SRGAP1: variants seen among roughly 807,000 people sequenced by gnomAD.
SRGAP1 encodes the protein SLIT-ROBO Rho GTPase activating protein 1.
Under a neutral mutation model 121.9 loss-of-function variants are expected in SRGAP1, and 43 were observed. The ratio of observed to expected loss-of-function variants is 0.35; its 90% CI spans 0.28 to 0.46. The LOEUF (loss-of-function observed/expected upper bound fraction) is 0.46. Ranked by LOEUF, SRGAP1 falls within the 20% of genes least tolerant of loss-of-function variation. SRGAP1 has a pLI of 1.00. For missense variants in SRGAP1, 1,102 were observed against 1,350.9 expected, an observed-to-expected ratio of 0.82 and a Z score of 2.89; for synonymous variants, 447 against 485.4, an observed-to-expected ratio of 0.92 and a Z score of 1.04.
intron 8 of SRGAP1, among the ~76,000 whole-genome samples, chr12:64,073,051 G>A (rs1281339192): frequency 6.6e-6 from 1 of 152,074 alleles, no homozygotes; most frequent in Non-Finnish European, 1.5e-5. Context: ...TGATGGGGAG[G>A]TACTTCAAGG....
chr12:64,139,067 A>G (rs2036914488), intron 21 of SRGAP1, among the ~76,000 whole-genome samples: 2 of 152,248 alleles, frequency 1.3e-5, no homozygotes, highest in South Asian at 2.1e-4. Flanking sequence ...TCACCTATAT[A>G]AATGTCTGGA....
rs759528544 is a variant in SRGAP1 at position 64,142,620 on chromosome 12, T to C, written c.3206T>C (p.Ile1069Thr). ...GTTCTTCCAAAAACAAATCCTACCA[T>C]AGGACCTGCCCCACCTCCCCAGGGT... ...PAVLPKTNPT[I>T]GPAPPPQGPT... Residue 1069 changes from isoleucine to threonine, a missense_variant, in exon 22 of 22, where the codon ATA (isoleucine) becomes ACA (threonine). Coordinates refer to ENST00000355086, the MANE Select transcript of SRGAP1 (RefSeq NM_020762.4). The C allele has an allele frequency of 1.4e-5, 22 of 1,613,838 alleles. No individual in the cohort carries two copies. Among genetic ancestry groups the C allele is most frequent in the Non-Finnish European group, 1.7e-5 (20 of 1,180,016 alleles).
chr12:64,138,446 CTTTTTT>C (rs60769104), intron 21 of SRGAP1, among the ~76,000 whole-genome samples: 1 of 78,668 alleles, frequency 1.3e-5, no homozygotes, highest in Non-Finnish European at 2.3e-5. Context: ...AATAAATTGA[CTTTTTT>C]TTTTTTTTTT....
At chr12:64,075,526 C>T (rs1368453709) in intron 8 of SRGAP1, among the ~76,000 whole-genome samples, 1 of 152,182 alleles carries the variant, frequency 6.6e-6, no homozygotes, top group African/African-American at 2.4e-5. Context: ...CCAACAGAGT[C>T]ATCAAGTACA....
rs2037134236 is a variant in SRGAP1, at chr12:64,153,046, G to A, written c.*10374G>A. On this transcript the variant is annotated 3_prime_UTR_variant, in exon 22 of 22. Coordinates refer to ENST00000355086, the MANE Select transcript of SRGAP1 (RefSeq NM_020762.4). ...GTGATAGAATTTAGAGTGTCTAGGA[G>A]AAGCATTTTAGATGGGACAGCTTGA... The A allele has an allele frequency of 6.6e-6, 1 of 151,556 alleles. No homozygotes were observed. The allele number at this position is 151,556 out of a possible 1,614,324, so 9.4% of individuals were successfully genotyped here.
intron 1 of SRGAP1, among the ~76,000 whole-genome samples, chr12:63,909,784 C>T (rs1169498640): frequency 1.3e-5 from 2 of 152,190 alleles, no homozygotes; most frequent in East Asian, 1.9e-4. Context: ...TATATTTCAG[C>T]AAGTCCCAAA....
rs536486556 is a variant in SRGAP1 at position 64,049,585 on chromosome 12, G to A, written c.801+6010G>A. Among the ~76,000 whole-genome samples, 502 of 152,266 alleles carry A rather than the reference G, an allele frequency of 3.3e-3. 3 individuals are homozygous for A. The highest frequency in any genetic ancestry group is 5.2e-3 in the Non-Finnish European group (351 of 68,018). The stretch of plus-strand genomic sequence containing the variant: ...CACCTGGTCCTTCACATGACATGTG[G>A]GGATTATGGGAACTACAATTCAAGA... On this transcript the variant is annotated intron_variant, in intron 6 of 21. Transcript: ENST00000355086.
chr12:64,040,965 A>C (rs1185464422), intron 4 of SRGAP1, among the ~76,000 whole-genome samples: 1 of 152,192 alleles, frequency 6.6e-6, no homozygotes, highest in East Asian at 1.9e-4. Flanking sequence ...TTTTGTAACA[A>C]TAATATAGCC....
In SRGAP1 at chr12:64,158,881, A is replaced by C. The variant is rs2037187771; in HGVS notation, c.*16209A>C. 6.6e-6 allele frequency: 1 copy of C among 152,212 alleles called. No homozygotes were observed. The highest frequency in any genetic ancestry group is 1.5e-5 in the Non-Finnish European group (1 of 68,036). The allele number at this position is 152,212 out of a possible 1,614,324, so 9.4% of individuals were successfully genotyped here. A position where few individuals can be genotyped will look rare whatever the true frequency, so the allele number is the denominator to read the frequency against. On this transcript the variant is annotated 3_prime_UTR_variant, in exon 22 of 22. Coordinates refer to ENST00000355086, the MANE Select transcript of SRGAP1 (RefSeq NM_020762.4). ...TGACAACTTACGGAGCATTTGGAAC[A>C]TGTCAAACAGTAATCAGAGGTCAGG...
intron 1 of SRGAP1, among the ~76,000 whole-genome samples, chr12:63,946,404 A>G (rs1023625844): frequency 1.3e-5 from 2 of 151,860 alleles, no homozygotes; most frequent in East Asian, 1.9e-4. Context: ...AAGATAGTGA[A>G]CATTTCTATT....
chr12:64,033,023 G>GA (rs536790270), intron 4 of SRGAP1, among the ~76,000 whole-genome samples: 5 of 151,628 alleles, frequency 3.3e-5, no homozygotes, highest in African/African-American at 4.8e-5. Context: ...CCCCAAAAAA[G>GA]AAAAAAAATG....
chr12:63,934,892 A>G (rs536088000), intron 1 of SRGAP1, among the ~76,000 whole-genome samples: 3 of 152,294 alleles, frequency 2.0e-5, no homozygotes, highest in Non-Finnish European at 2.9e-5. Context: ...ATTTTAATCT[A>G]AACTCGTGTG....
chr12:63,922,302 T>C (rs2031090241), intron 1 of SRGAP1, among the ~76,000 whole-genome samples: 1 of 152,194 alleles, frequency 6.6e-6, no homozygotes, highest in East Asian at 1.9e-4. Context: ...TTCTAATCTA[T>C]GGAATTTGAT....
chr12:63,927,532 T>C (rs1157078610), intron 1 of SRGAP1, among the ~76,000 whole-genome samples: 13 of 152,344 alleles, frequency 8.5e-5, no homozygotes, highest in African/African-American at 3.1e-4. Flanking sequence ...GCCCAGTCCG[T>C]TAGGTCAACA....
intron 1 of SRGAP1, among the ~76,000 whole-genome samples, chr12:63,901,638 T>C (rs910696852): frequency 1.3e-5 from 2 of 152,242 alleles, no homozygotes; most frequent in African/African-American, 2.4e-5. Context: ...TGTTTGTTTT[T>C]AGTCATACCT....
At position 64,152,925 on chromosome 12, in the gene SRGAP1, A is replaced by C. The variant is rs905104867; in HGVS notation, c.*10253A>C. On this transcript the variant is annotated 3_prime_UTR_variant, in exon 22 of 22. Coordinates refer to ENST00000355086, the MANE Select transcript of SRGAP1 (RefSeq NM_020762.4). Reference sequence around the variant, plus strand: ...CTGGTATGATTTAAAAAAAAAAAAAAAAAAAAAAAAACCACTACATAAGCC... The same window carrying C: ...CTGGTATGATTTAAAAAAAAAAAAACAAAAAAAAAAACCACTACATAAGCC... 10 of 151,534 alleles carry C rather than the reference A, an allele frequency of 6.6e-5. No homozygotes were observed. The highest frequency in any genetic ancestry group is 1.9e-4 in the African/African-American group (8 of 41,382). 9.4% of individuals were successfully genotyped at this position (151,534 alleles called of 1,614,324 possible).
intron 21 of SRGAP1, among the ~76,000 whole-genome samples, chr12:64,141,136 A>T (rs789739): frequency 2.1e-5 from 3 of 140,254 alleles, no homozygotes; most frequent in African/African-American, 5.6e-5. Flanking sequence ...GTGGGTGGAG[A>T]GGGGAGGGAT....
chr12:64,032,683 G>T, intron 4 of SRGAP1: 2 of 214,396 alleles, frequency 9.3e-6, no homozygotes, highest in South Asian at 1.6e-4. Flanking sequence ...AGCTTTCAAA[G>T]CAAAAAAAAA....
chr12:64,127,804 A>G, intron 20 of SRGAP1, 57 bp from the exon 21 acceptor site: 1 of 1,597,850 alleles, frequency 6.3e-7, no homozygotes, highest in Non-Finnish European at 8.5e-7. Flanking sequence ...TCAGCCTTGC[A>G]GTACTGCCCG....
Sources: gnomAD v4.1 joint callset for allele counts (sites outside exome capture counted in the v4.1 genomes callset) on GRCh38, gnomAD v4.1.1 for gene constraint, MANE v1.5 for transcripts, NCBI Gene and HGNC (gene_info 2026-07-23, HGNC 2026-07-21) for gene names.